Variants in DOCK2 observed in about 807,000 individuals in gnomAD.
DOCK2 encodes dedicator of cytokinesis protein 2.
DOCK2 carries 87 observed loss-of-function variants against 248.9 expected under a neutral mutation model. The ratio of observed to expected loss-of-function variants is 0.35; its 90% CI spans 0.29 to 0.42. The LOEUF is 0.42. DOCK2 is among the 10% of genes least tolerant of loss of function. The pLI, the probability that DOCK2 is intolerant of heterozygous loss-of-function variation, is 1.00. For missense variants in DOCK2, 1,747 were observed against 2,300.2 expected (o/e 0.76, Z 4.92); for synonymous variants, 805 against 821.6 (o/e 0.98, Z 0.35).
At chr5:169,681,399 C>G (rs904130539) in intron 6 of DOCK2, among the ~76,000 whole-genome samples, 2 of 151,502 alleles carry the variant, frequency 1.3e-5, no homozygotes, top group African/African-American at 4.9e-5. Context: ...GCTGGGATTA[C>G]AGGCGTGAGT....
At chr5:169,679,164 C>T (rs568616604) in intron 6 of DOCK2, among the ~76,000 whole-genome samples, 6 of 152,222 alleles carry the variant, frequency 3.9e-5, no homozygotes, top group African/African-American at 7.2e-5. Context: ...CTCAGCCTCC[C>T]GAGGAGCTGG....
intron 32 of DOCK2, 119 bp from the exon 33 acceptor site, chr5:170,018,839 TAA>T: frequency 7.9e-7 from 1 of 1,268,558 alleles, no homozygotes; most frequent in Non-Finnish European, 1.1e-6. Flanking sequence ...AACAACTATA[TAA>T]GTGTTAACTA....
At chr5:169,800,985 T>A (rs1382271606) in intron 25 of DOCK2, among the ~76,000 whole-genome samples, 1 of 126,774 alleles carries the variant, frequency 7.9e-6, no homozygotes, top group Non-Finnish European at 1.6e-5. Context: ...AGATGGAGTC[T>A]AGCTCTGTTG....
At chr5:169,709,022 A>G (rs1254830148) in intron 15 of DOCK2, among the ~76,000 whole-genome samples, 1 of 152,214 alleles carries the variant, frequency 6.6e-6, no homozygotes, top group Non-Finnish European at 1.5e-5. Flanking sequence ...CACCTGTAAA[A>G]TGGGAGCAAT....
intron 7 of DOCK2, among the ~76,000 whole-genome samples, chr5:169,683,736 G>T (rs1030209665): frequency 6.6e-6 from 1 of 151,882 alleles, no homozygotes; most frequent in Non-Finnish European, 1.5e-5. Flanking sequence ...ATTTTCTCTT[G>T]GGAAGTGTCT....
At chr5:170,043,645 G>T (rs1030046792) in intron 38 of DOCK2, among the ~76,000 whole-genome samples, 2 of 152,242 alleles carry the variant, frequency 1.3e-5, no homozygotes, top group African/African-American at 4.8e-5. Context: ...AGCAGTTGGA[G>T]AGCACTGTTT....
intron 18 of DOCK2, 41 bp downstream of exon 18, chr5:169,714,252 G>A: frequency 1.9e-6 from 3 of 1,601,954 alleles, no homozygotes; most frequent in Non-Finnish European, 2.6e-6. Flanking sequence ...GGGAGTGTGT[G>A]TGTCCGTGTG....
intron 35 of DOCK2, among the ~76,000 whole-genome samples, chr5:170,035,154 G>A (rs1289281384): frequency 6.6e-6 from 1 of 152,166 alleles, no homozygotes; most frequent in Non-Finnish European, 1.5e-5. Context: ...AGCTCCCATG[G>A]GCTGGCTGCC....
At chr5:169,968,392 G>A (rs1187719442) in intron 27 of DOCK2, among the ~76,000 whole-genome samples, 2 of 152,140 alleles carry the variant, frequency 1.3e-5, no homozygotes, top group Non-Finnish European at 2.9e-5. Context: ...TATGTGTCAG[G>A]CATTGAGGAT....
rs536144142 is a variant in DOCK2 at position 169,710,023 on chromosome 5, T to A, written c.1482+1756T>A. On this transcript the variant is annotated intron_variant, in intron 15 of 51. Coordinates refer to ENST00000520908, the MANE Select transcript of DOCK2 (RefSeq NM_004946.3). ...GCAGGTGGGAGGCTTGATGGATCAA[T>A]GTGATTGTGAACAACATATGAGAAT... 5.9e-5 allele frequency among the ~76,000 whole-genome samples: 9 copies of A among 152,342 alleles called. 1 individual carries two copies. In the South Asian group the frequency reaches 1.7e-3, roughly 28 times the overall value.
At chr5:169,769,664 G>A (rs1305608367) in intron 25 of DOCK2, among the ~76,000 whole-genome samples, 2 of 152,228 alleles carry the variant, frequency 1.3e-5, no homozygotes, top group African/African-American at 4.8e-5. Flanking sequence ...TGGGGAGGAG[G>A]CCAGGGATGT....
At chr5:169,644,198 G>A (rs79365287) in intron 1 of DOCK2, among the ~76,000 whole-genome samples, 9,392 of 152,172 alleles carry the variant, frequency 0.062, 408 homozygotes, top group South Asian at 0.15. Context: ...GGACATTGCA[G>A]GATTTGGAGT....
chr5:169,773,445 T>C (rs1374040237), intron 25 of DOCK2, among the ~76,000 whole-genome samples: 1 of 115,274 alleles, frequency 8.7e-6, no homozygotes, highest in Non-Finnish European at 1.9e-5. Flanking sequence ...CTCAATAAAC[T>C]CTTCGTGTGT....
intron 27 of DOCK2, among the ~76,000 whole-genome samples, chr5:169,935,365 A>G (rs1199360363): frequency 2.0e-5 from 3 of 151,922 alleles, no homozygotes; most frequent in Non-Finnish European, 4.4e-5. Flanking sequence ...TTCTGCTCCC[A>G]TGGAACCATC....
intron 26 of DOCK2, among the ~76,000 whole-genome samples, chr5:169,809,176 A>G (rs1269495312): frequency 1.3e-5 from 2 of 152,072 alleles, no homozygotes; most frequent in African/African-American, 4.8e-5. Context: ...TTTTTAGTAG[A>G]GACGGCATTT....
At chr5:169,717,868 C>G (rs1362075514) in intron 21 of DOCK2, among the ~76,000 whole-genome samples, 1 of 152,088 alleles carries the variant, frequency 6.6e-6, no homozygotes, top group Non-Finnish European at 1.5e-5. Flanking sequence ...TGGAGACCAG[C>G]CTGGCCAACA....
At chr5:169,975,722 G>A (rs10079985) in intron 27 of DOCK2, among the ~76,000 whole-genome samples, 44,259 of 152,050 alleles carry the variant, frequency 0.29, 7,311 homozygotes, top group Middle Eastern at 0.39. Flanking sequence ...TTTCATTAGT[G>A]GCACATATCA....
intron 27 of DOCK2, among the ~76,000 whole-genome samples, chr5:169,948,547 C>T (rs1230792687): frequency 6.6e-6 from 1 of 151,916 alleles, no homozygotes; most frequent in African/African-American, 2.4e-5. Flanking sequence ...TATAGATTTT[C>T]ATAGATCTCT....
chr5:170,003,146 ACCATT>A (rs1282192027), intron 30 of DOCK2, among the ~76,000 whole-genome samples: 3 of 152,168 alleles, frequency 2.0e-5, no homozygotes, highest in Non-Finnish European at 4.4e-5. Flanking sequence ...CATCAACACC[ACCATT>A]CCATTTACTG....
Sources: gnomAD v4.1 joint callset for allele counts (sites outside exome capture counted in the v4.1 genomes callset) on GRCh38, gnomAD v4.1.1 for gene constraint, MANE v1.5 for transcripts, NCBI Gene and HGNC (gene_info 2026-07-23, HGNC 2026-07-21) for gene names.